The following RARB variants were observed in gnomAD, a reference collection of about 807,000 sequenced individuals.
The protein encoded by RARB is HBV-activated protein.
Under a neutral mutation model 51.9 loss-of-function variants are expected in RARB, and 17 were observed. The ratio of observed to expected loss-of-function variants is 0.33; its 90% confidence interval spans 0.22 to 0.49. The LOEUF (loss-of-function observed/expected upper bound fraction) is 0.49, where lower values mean the gene tolerates loss of function less well. RARB is among the 20% of genes least tolerant of loss of function. The pLI is 0.99. For synonymous variants in RARB, 215 were observed against 195.4 expected (o/e 1.10, Z -0.84); for missense variants, 369 against 550.8 (o/e 0.67, Z 3.30).
At chr3:25,249,613 C>G (rs1037448880) in intron 5 of RARB, among the ~76,000 whole-genome samples, 3 of 148,860 alleles carry the variant, frequency 2.0e-5, no homozygotes, top group African/African-American at 4.9e-5. Flanking sequence ...GAAGAGGTAT[C>G]CATGATGTTG....
At chr3:25,419,002 G>T (rs1327097017) in intron 5 of RARB, among the ~76,000 whole-genome samples, 1 of 150,200 alleles carries the variant, frequency 6.7e-6, no homozygotes, top group Non-Finnish European at 1.5e-5. Context: ...TGACACAAGA[G>T]CCCGTAGAAA....
chr3:25,016,946 TAGG>T (rs1458412115), intron 2 of RARB, among the ~76,000 whole-genome samples: 1 of 152,170 alleles, frequency 6.6e-6, no homozygotes, highest in Non-Finnish European at 1.5e-5. Flanking sequence ...TAAAAGATTT[TAGG>T]AGAAGTTAAC....
At chr3:25,199,677 T>C (rs774031926) in intron 5 of RARB, among the ~76,000 whole-genome samples, 5 of 152,146 alleles carry the variant, frequency 3.3e-5, no homozygotes, top group Non-Finnish European at 7.3e-5. Context: ...TTCCCACCTA[T>C]GAGTGAGAAC....
In RARB at chr3:25,416,090, C is replaced by T. The variant is rs557092033; in HGVS notation, c.179-45103C>T. Reference sequence around the variant, plus strand: ...AACTGAAGAAAAAGATGCAACAAGGCATGCCAATATCTAAGCAAAGGCTGG... The same window carrying T: ...AACTGAAGAAAAAGATGCAACAAGGTATGCCAATATCTAAGCAAAGGCTGG... On this transcript the variant is annotated intron_variant, in intron 5 of 11. Transcript: ENST00000383772. Among the ~76,000 whole-genome samples the T allele has an allele frequency of 7.2e-5, 11 of 152,302 alleles. No individual in the cohort carries two copies. In the South Asian group the frequency reaches 1.2e-3, roughly 17 times the overall value.
intron 3 of RARB, chr3:25,060,247 C>T (rs1002712482): frequency 5.3e-5 from 8 of 151,770 alleles, no homozygotes; most frequent in African/African-American, 1.7e-4. Context: ...TCTCCATAAT[C>T]TAGCACTTCA....
At chr3:25,394,919 G>A (rs1274132805) in intron 5 of RARB, among the ~76,000 whole-genome samples, 5 of 152,142 alleles carry the variant, frequency 3.3e-5, no homozygotes, top group Non-Finnish European at 7.4e-5. Flanking sequence ...ATGAAAACGT[G>A]AGGTACTATT....
At chr3:25,550,489 A>G (rs925759959) in intron 3 of RARB, among the ~76,000 whole-genome samples, 1 of 152,116 alleles carries the variant, frequency 6.6e-6, no homozygotes, top group African/African-American at 2.4e-5. Flanking sequence ...GGGGGAAGCA[A>G]GCTCCCTCAG....
chr3:25,145,512 A>C (rs376260485), intron 4 of RARB, among the ~76,000 whole-genome samples: 7 of 152,182 alleles, frequency 4.6e-5, no homozygotes, highest in African/African-American at 1.7e-4. Flanking sequence ...AAAAAAAGAA[A>C]AAGAAATTGT....
At chr3:24,972,899 T>A (rs1217154703) in intron 2 of RARB, among the ~76,000 whole-genome samples, 5 of 152,088 alleles carry the variant, frequency 3.3e-5, no homozygotes, top group African/African-American at 1.2e-4. Flanking sequence ...TCATATAGTT[T>A]GCAAATATTT....
At chr3:25,208,830 CA>C (rs1196506217) in intron 5 of RARB, among the ~76,000 whole-genome samples, 1 of 152,170 alleles carries the variant, frequency 6.6e-6, no homozygotes, top group Non-Finnish European at 1.5e-5. Flanking sequence ...GACCTGGACT[CA>C]GGGCCCATCA....
chr3:24,840,248 G>A (rs952461703), intron 1 of RARB, among the ~76,000 whole-genome samples: 2 of 152,170 alleles, frequency 1.3e-5, no homozygotes, highest in East Asian at 3.8e-4. Flanking sequence ...CAATTCTTAT[G>A]CTGTGGATTT....
chr3:25,343,213 G>T (rs945790969), intron 5 of RARB, among the ~76,000 whole-genome samples: 3 of 152,070 alleles, frequency 2.0e-5, no homozygotes, highest in Admixed American at 6.6e-5. Flanking sequence ...ACCATCTTCT[G>T]CTCTTCTCTC....
At chr3:25,008,612 C>T (rs1279732357) in intron 2 of RARB, among the ~76,000 whole-genome samples, 1 of 152,196 alleles carries the variant, frequency 6.6e-6, no homozygotes, top group East Asian at 1.9e-4. Context: ...GTCTTGGCTG[C>T]CTTGGTACTT....
intron 5 of RARB, among the ~76,000 whole-genome samples, chr3:25,356,563 G>A (rs1051404211): frequency 4.0e-5 from 6 of 151,660 alleles, no homozygotes; most frequent in African/African-American, 1.2e-4. Flanking sequence ...CGTGCAGAAT[G>A]CGCAGGTTTG....
chr3:24,965,708 G>T (rs6550928), intron 2 of RARB, among the ~76,000 whole-genome samples: 130,711 of 152,188 alleles, frequency 0.86, 56,250 homozygotes, highest in East Asian at 0.92. Context: ...ATGAAATGTT[G>T]AGAGGATGCC....
chr3:25,363,357 G>T (rs1371870775), intron 5 of RARB, among the ~76,000 whole-genome samples: 9 of 152,050 alleles, frequency 5.9e-5, no homozygotes, highest in African/African-American at 2.2e-4. Flanking sequence ...CATACATCCA[G>T]CTGCCAGCTA....
intron 5 of RARB, among the ~76,000 whole-genome samples, chr3:25,330,352 C>T (rs984456918): frequency 2.0e-5 from 3 of 152,122 alleles, no homozygotes; most frequent in Non-Finnish European, 4.4e-5. Flanking sequence ...AGAGTGGGGG[C>T]CAATATTCAA....
chr3:25,188,579 G>T (rs966215845), intron 5 of RARB, among the ~76,000 whole-genome samples: 1 of 152,108 alleles, frequency 6.6e-6, no homozygotes, highest in Non-Finnish European at 1.5e-5. Context: ...AAGTTATTCT[G>T]TCAGCTTCTT....
chr3:25,101,639 A>G (rs901461514), intron 3 of RARB, among the ~76,000 whole-genome samples: 36 of 150,546 alleles, frequency 2.4e-4, no homozygotes, highest in African/African-American at 8.6e-4. Flanking sequence ...TTTTATTGCT[A>G]AATCTTTATG....
Sources: allele counts gnomAD v4.1 joint callset (sites outside exome capture counted in the v4.1 genomes callset), GRCh38; gene constraint gnomAD v4.1.1; transcripts MANE v1.5; gene names NCBI Gene and HGNC (gene_info 2026-07-23, HGNC 2026-07-21).